DPP6: variants seen among roughly 807,000 people sequenced by gnomAD.
DPP6 encodes the protein A-type potassium channel modulatory protein DPP6.
A neutral mutation model predicts 122.6 loss-of-function variants in DPP6; 69 were observed. The observed-to-expected ratio is 0.56, with a 90% CI of 0.46 to 0.69. DPP6 has a LOEUF of 0.69. Ranked by LOEUF, DPP6 falls within the 30% of genes least tolerant of loss-of-function variation. The pLI, the probability that DPP6 is intolerant of heterozygous loss-of-function variation, is 0.00. For synonymous variants in DPP6, 418 were observed against 433.1 expected, an observed-to-expected ratio of 0.97 and a Z score of 0.43; for missense variants, 928 against 1,116.9, an observed-to-expected ratio of 0.83 and a Z score of 2.41.
chr7:154,750,161 A>T (rs752812576), intron 8 of DPP6, among the ~76,000 whole-genome samples: 4 of 152,202 alleles, frequency 2.6e-5, no homozygotes, highest in Non-Finnish European at 4.4e-5. Context: ...AAAAACACGG[A>T]TGGCCGCTGA....
intron 2 of DPP6, among the ~76,000 whole-genome samples, chr7:154,469,071 C>T (rs895548070): frequency 1.3e-5 from 2 of 152,090 alleles, no homozygotes; most frequent in Non-Finnish European, 2.9e-5. Context: ...CATGAAGTTG[C>T]GATTCCTAAC....
At chr7:154,289,124 A>G (rs2150961907) in intron 1 of DPP6, among the ~76,000 whole-genome samples, 1 of 152,310 alleles carries the variant, frequency 6.6e-6, no homozygotes, top group South Asian at 2.1e-4. Flanking sequence ...AAAAAATACC[A>G]TGAGAGAAGG....
In DPP6 at chr7:154,243,367, A is replaced by G. The variant is rs1313069443; in HGVS notation, c.243+190304A>G. On this transcript the variant is annotated intron_variant, in intron 1 of 25. Coordinates refer to ENST00000377770, the MANE Select transcript of DPP6 (RefSeq NM_130797.4). Reference sequence around the variant, plus strand: ...CAAGGATTTTAAGGCAGTTATAAATATAGCCAAGGAATTAAAGGAAAACAT... The same window carrying G: ...CAAGGATTTTAAGGCAGTTATAAATGTAGCCAAGGAATTAAAGGAAAACAT... 2.0e-5 allele frequency among the ~76,000 whole-genome samples: 3 copies of G among 152,356 alleles called. 1 individual carries two copies. The East Asian group carries it at 5.8e-4, about 29-fold the overall frequency.
At chr7:153,852,194 G>A in the DPP6 span, among the ~76,000 whole-genome samples, 3 of 152,168 alleles carry the variant, frequency 2.0e-5, no homozygotes, top group African/African-American at 7.2e-5. Context: ...GAGATGTGCT[G>A]GAGTGGTTCA....
In DPP6 at chr7:153,992,692, G is replaced by A. The variant is rs561031089; in HGVS notation, c.51+104958G>A. ...CAGTTTAATCACAGAATTGGCTGAA[G>A]TCCTTTATGCTCTAATTATTCCATC... On this transcript the variant is annotated intron_variant, in intron 1 of 25. Transcript: ENST00000404039. Among the ~76,000 whole-genome samples, 27 of 152,328 alleles carry A rather than the reference G, an allele frequency of 1.8e-4. 1 individual carries two copies. The South Asian group carries it at 5.2e-3, about 29-fold the overall frequency.
At chr7:154,703,421 C>A (rs1202867573) in intron 7 of DPP6, among the ~76,000 whole-genome samples, 1 of 152,040 alleles carries the variant, frequency 6.6e-6, no homozygotes. Context: ...GAGTTCGAGA[C>A]CAGCCTGGCC....
At chr7:154,119,204 G>A (rs1246038939) in intron 1 of DPP6, among the ~76,000 whole-genome samples, 3 of 152,188 alleles carry the variant, frequency 2.0e-5, no homozygotes, top group Non-Finnish European at 2.9e-5. Context: ...GAAGCCATGA[G>A]ACTTGGGAGG....
In DPP6 at chr7:154,692,849, A is replaced by G. The variant is rs1205309762; in HGVS notation, c.762+23408A>G. ...CAGGCTGGAGTGCAGTGGCACAGTC[A>G]TAGCTCACTGTAGCCTCAAACTCCT... On this transcript the variant is annotated intron_variant, in intron 7 of 25. Transcript: ENST00000377770. 6.7e-5 allele frequency among the ~76,000 whole-genome samples: 10 copies of G among 149,000 alleles called. No individual in the cohort carries two copies. The Admixed American group carries it at 6.8e-4, about 10-fold the overall frequency.
At chr7:154,291,405 A>G (rs951690089) in intron 1 of DPP6, among the ~76,000 whole-genome samples, 1 of 152,206 alleles carries the variant, frequency 6.6e-6, no homozygotes, top group African/African-American at 2.4e-5. Context: ...GCAAGTCTCC[A>G]GGAACCAAGA....
intron 10 of DPP6, among the ~76,000 whole-genome samples, chr7:154,787,062 T>G (rs1797381893): frequency 6.6e-6 from 1 of 152,234 alleles, no homozygotes; most frequent in Non-Finnish European, 1.5e-5. Context: ...ATATTTTATT[T>G]CTTTATTATC....
rs150133863 is a variant in DPP6, at chr7:154,700,423, T to G, written c.763-27344T>G. ...AGAGCAGTGGGCCAGTATCATTTTTTGGGAGAGATCCTCAGGCAGTGGAGT... is the reference window on the plus strand; with the variant it reads ...AGAGCAGTGGGCCAGTATCATTTTTGGGGAGAGATCCTCAGGCAGTGGAGT... On this transcript the variant is annotated intron_variant, in intron 7 of 25. Transcript: ENST00000377770. 2.9e-3 allele frequency among the ~76,000 whole-genome samples: 442 copies of G among 152,342 alleles called. 2 individuals carry two copies. Among genetic ancestry groups the G allele is most frequent in the African/African-American group, 9.7e-3 (404 of 41,584 alleles).
intron 1 of DPP6, among the ~76,000 whole-genome samples, chr7:154,088,557 T>C (rs890572934): frequency 6.8e-6 from 1 of 147,916 alleles, no homozygotes; most frequent in South Asian, 2.2e-4. Context: ...AGTTCCTGCC[T>C]GGGGAAGTCA....
chr7:154,047,832 A>G (rs1800100160), upstream of DPP6, among the ~76,000 whole-genome samples: 1 of 150,472 alleles, frequency 6.6e-6, no homozygotes, highest in African/African-American at 2.5e-5. Flanking sequence ...AGGTAGTTAG[A>G]AAGTGGGAGG....
At position 154,803,944 on chromosome 7, in the gene DPP6, G is replaced by A; in HGVS notation, c.1488G>A (p.Lys496=). The change falls in exon 14 of 26, where the codon AAG becomes AAA. Residue 496 remains lysine (K), a synonymous_variant. Coordinates refer to ENST00000377770, the MANE Select transcript of DPP6 (RefSeq NM_130797.4). The stretch of plus-strand genomic sequence containing the variant: ...CCAAGATCCTAGCCTACGATGAGAA[G>A]GGGAATAAGATGTGAGTGAGAACCA... ...DVTKILAYDE[K]GNKIYFLSTE... 6.2e-7 allele frequency: 1 copy of A among 1,613,708 alleles called. No individual in the cohort carries two copies. The highest frequency in any genetic ancestry group is 8.5e-7 in the Non-Finnish European group (1 of 1,179,786).
intron 1 of DPP6, among the ~76,000 whole-genome samples, chr7:154,204,417 C>T (rs1188499729): frequency 6.6e-6 from 1 of 152,192 alleles, no homozygotes; most frequent in Non-Finnish European, 1.5e-5. Context: ...TTATTTCCAG[C>T]TTATAGCATA....
intron 1 of DPP6, among the ~76,000 whole-genome samples, chr7:154,199,830 A>G (rs1222114286): frequency 6.6e-6 from 1 of 151,746 alleles, no homozygotes; most frequent in Non-Finnish European, 1.5e-5. Context: ...CTAGTGTCTA[A>G]CTCCTGACCT....
chr7:154,166,137 C>T (rs751325997), intron 1 of DPP6, among the ~76,000 whole-genome samples: 23 of 152,236 alleles, frequency 1.5e-4, no homozygotes, highest in Non-Finnish European at 2.9e-4. Context: ...TTAATTACAG[C>T]GTTATTAAAC....
chr7:153,938,337 G>A (rs368135432), intron 1 of DPP6, among the ~76,000 whole-genome samples: 2 of 152,194 alleles, frequency 1.3e-5, no homozygotes, highest in East Asian at 3.9e-4. Context: ...GGCTGAAAAG[G>A]TGCGTAAGGA....
the DPP6 span, among the ~76,000 whole-genome samples, chr7:153,781,196 T>G: frequency 0.35 from 53,336 of 152,076 alleles, 10,109 homozygotes; most frequent in South Asian, 0.48. Context: ...TGGGCCCCTT[T>G]CTCACCTTGC....
Sources: allele counts gnomAD v4.1 joint callset (sites outside exome capture counted in the v4.1 genomes callset), GRCh38; gene constraint gnomAD v4.1.1; transcripts MANE v1.5; gene names NCBI Gene and HGNC (gene_info 2026-07-23, HGNC 2026-07-21).